The following OPCML variants were observed in gnomAD, a reference collection of about 807,000 sequenced individuals.
OPCML encodes the protein opioid binding protein/cell adhesion molecule like, also known as opioid-binding protein/cell adhesion molecule.
In OPCML, 13 loss-of-function variants were observed where a neutral mutation model predicts 37.8. The observed-to-expected ratio is 0.34, with a 90% CI of 0.22 to 0.55. The LOEUF (loss-of-function observed/expected upper bound fraction) is 0.55. Ranked by LOEUF, OPCML falls within the 20% of genes least tolerant of loss-of-function variation. OPCML has a pLI of 0.91. For synonymous variants in OPCML, 176 were observed against 168.8 expected (o/e 1.04, Z -0.33); for missense variants, 341 against 435.6 (o/e 0.78, Z 1.93).
rs1409291737 is a variant in OPCML at position 132,654,489 on chromosome 11, CTCCCCAAGAGAAGCTCT to C, written c.379+2581_379+2597del. On this transcript the variant is annotated intron_variant, in intron 3 of 7. Coordinates refer to ENST00000524381, the MANE Select transcript of OPCML (RefSeq NM_001012393.5). ...AGAAGCACTTCCCCAAGGGAAGCTC[CTCCCCAAGAGAAGCTCT>C]TCCCCAAGAGAAGCTCCTCCCCAAG... 2.7e-4 allele frequency among the ~76,000 whole-genome samples: 41 copies of C among 150,666 alleles called. 1 individual carries two copies. The East Asian group carries it at 5.5e-3, about 20-fold the overall frequency.
chr11:133,091,644 A>AT (rs1452441677), intron 1 of OPCML, among the ~76,000 whole-genome samples: 2 of 151,890 alleles, frequency 1.3e-5, no homozygotes, highest in Non-Finnish European at 2.9e-5. Flanking sequence ...ACTACCCTTT[A>AT]TTTCCCCCTA....
intron 1 of OPCML, among the ~76,000 whole-genome samples, chr11:133,308,567 C>T (rs1483892825): frequency 6.6e-6 from 1 of 152,094 alleles, no homozygotes; most frequent in Non-Finnish European, 1.5e-5. Context: ...ATAGATACAG[C>T]TGTGTTTCTG....
At chr11:132,897,978 C>A (rs540174659) in intron 2 of OPCML, among the ~76,000 whole-genome samples, 2 of 152,158 alleles carry the variant, frequency 1.3e-5, no homozygotes, top group Non-Finnish European at 2.9e-5. Context: ...GGTAGGATGA[C>A]CCATTCTGTG....
chr11:133,272,122 A>G (rs1479613292), intron 1 of OPCML, among the ~76,000 whole-genome samples: 2 of 152,124 alleles, frequency 1.3e-5, no homozygotes, highest in Non-Finnish European at 2.9e-5. Flanking sequence ...ACAGTATCCA[A>G]TGCAGAGATT....
chr11:133,312,401 G>A (rs530384577), intron 1 of OPCML, among the ~76,000 whole-genome samples: 1 of 152,114 alleles, frequency 6.6e-6, no homozygotes, highest in Non-Finnish European at 1.5e-5. Context: ...CCTCTCCTTC[G>A]TTTCACCCAG....
intron 2 of OPCML, chr11:132,810,684 C>A (rs1591640973): frequency 1.3e-5 from 2 of 152,098 alleles, no homozygotes; most frequent in Non-Finnish European, 2.9e-5. Context: ...GAGCGAGACT[C>A]CATCTCAAAA....
intron 1 of OPCML, among the ~76,000 whole-genome samples, chr11:133,258,908 G>A (rs1216033823): frequency 6.6e-6 from 1 of 152,204 alleles, no homozygotes; most frequent in Non-Finnish European, 1.5e-5. Flanking sequence ...GAAAAAAACT[G>A]CAGTGGAACA....
rs1565353467 is a variant in OPCML at position 132,937,600 on chromosome 11, GTGT to G, written c.146+5323_146+5325del. On this transcript the variant is annotated intron_variant, in intron 2 of 7. Coordinates refer to ENST00000524381, the MANE Select transcript of OPCML (RefSeq NM_001012393.5). ...GGTGTGTGTGGCGTGTGTGGGGTGT[GTGT>G]GTGTGTGTGTGTGTGTGTGTGTGTG... Among the ~76,000 whole-genome samples the G allele has an allele frequency of 3.5e-3, 124 of 35,872 alleles. 1 individual carries two copies. Among genetic ancestry groups the G allele is most frequent in the South Asian group, 0.028 (25 of 898 alleles). 23.5% of individuals were successfully genotyped at this position (35,872 alleles called of 152,430 possible). A position where few individuals can be genotyped will look rare whatever the true frequency, so the allele number is the denominator to read the frequency against.
chr11:132,709,433 A>T (rs951165149), intron 2 of OPCML, among the ~76,000 whole-genome samples: 2 of 152,186 alleles, frequency 1.3e-5, no homozygotes, highest in Non-Finnish European at 2.9e-5. Context: ...TGCAAACTTC[A>T]TTATTTAGAT....
At chr11:133,373,448 T>TATATATATATATATATATATACACACAC (rs966091785) in intron 1 of OPCML, among the ~76,000 whole-genome samples, 6 of 132,170 alleles carry the variant, frequency 4.5e-5, no homozygotes, top group African/African-American at 1.9e-4. Flanking sequence ...TATATATATA[T>TATATATATATATATATATATACACACAC]ACACACACAC....
At chr11:133,117,585 G>A (rs968184056) in intron 1 of OPCML, among the ~76,000 whole-genome samples, 1 of 152,262 alleles carries the variant, frequency 6.6e-6, no homozygotes, top group East Asian at 1.9e-4. Flanking sequence ...CATATGAGAA[G>A]TATTTACCTA....
chr11:132,510,536 T>C (rs1225455389), intron 4 of OPCML, among the ~76,000 whole-genome samples: 1 of 151,658 alleles, frequency 6.6e-6, no homozygotes, highest in Non-Finnish European at 1.5e-5. Context: ...AATTGAATCA[T>C]GGGGCCCAGT....
intron 1 of OPCML, among the ~76,000 whole-genome samples, chr11:133,273,927 CGT>C (rs1941920772): frequency 6.6e-6 from 1 of 152,194 alleles, no homozygotes; most frequent in Admixed American, 6.5e-5. Context: ...CTTTGAAATT[CGT>C]GTGTTAGACC....
At chr11:133,311,993 A>G (rs1191253794) in intron 1 of OPCML, among the ~76,000 whole-genome samples, 2 of 152,158 alleles carry the variant, frequency 1.3e-5, no homozygotes, top group African/African-American at 4.8e-5. Flanking sequence ...CTGCTGCAGA[A>G]TGAGTCCCAG....
At chr11:133,142,989 G>A (rs150552874) in intron 1 of OPCML, among the ~76,000 whole-genome samples, 45 of 152,262 alleles carry the variant, frequency 3.0e-4, no homozygotes, top group African/African-American at 1.1e-3. Context: ...GTCCTTAGAT[G>A]TGGTTGGATA....
intron 1 of OPCML, among the ~76,000 whole-genome samples, chr11:133,161,985 C>CTTTTTTTTTTTTTTTTTT (rs553617547): frequency 4.7e-5 from 4 of 85,482 alleles, no homozygotes; most frequent in Non-Finnish European, 6.5e-5. Context: ...CAGTCTCTGT[C>CTTTTTTTTTTTTTTTTTT]TTTTTTTTTT....
chr11:133,259,831 C>T (rs143393097), intron 1 of OPCML, among the ~76,000 whole-genome samples: 1 of 152,232 alleles, frequency 6.6e-6, no homozygotes, highest in East Asian at 1.9e-4. Context: ...TGTATTTACT[C>T]ATTCAATAGA....
intron 1 of OPCML, among the ~76,000 whole-genome samples, chr11:133,046,625 C>T (rs556264586): frequency 1.3e-5 from 2 of 152,284 alleles, no homozygotes; most frequent in African/African-American, 4.8e-5. Context: ...CACATTCCTC[C>T]CTGCATAGCC....
intron 1 of OPCML, chr11:133,005,576 C>T (rs1039334278): frequency 3.5e-5 from 34 of 984,986 alleles, no homozygotes; most frequent in Non-Finnish European, 4.1e-5. Flanking sequence ...TTTAATATAT[C>T]CCTTTCCTTA....
Sources: gnomAD v4.1 joint callset for allele counts (sites outside exome capture counted in the v4.1 genomes callset) on GRCh38, gnomAD v4.1.1 for gene constraint, MANE v1.5 for transcripts, NCBI Gene and HGNC (gene_info 2026-07-23, HGNC 2026-07-21) for gene names.